Variants in ZNF326 observed in about 807,000 individuals in gnomAD.
ZNF326 encodes the protein zinc finger protein 326.
In ZNF326, 30 loss-of-function variants were observed where a neutral mutation model predicts 63.1. The ratio of observed to expected loss-of-function variants is 0.48; its 90% CI spans 0.36 to 0.64. The LOEUF (loss-of-function observed/expected upper bound fraction) is 0.64. Among genes scored for constraint, ZNF326 ranks in the 30% least tolerant of loss-of-function variants. The probability of loss-of-function intolerance (pLI) is 0.00; values close to 1 mark genes in which losing one functional copy is unlikely to be tolerated. For missense variants in ZNF326, 609 were observed against 720.3 expected (o/e 0.85, Z 1.77); for synonymous variants, 194 against 228.2 (o/e 0.85, Z 1.35).
chr1:89,998,102 C>T lies in ZNF326; in HGVS notation c.17-8C>T, dbSNP rs202179032. On this transcript the variant is annotated splice_region_variant and splice_polypyrimidine_tract_variant and intron_variant, in intron 1 of 11. Coordinates refer to ENST00000340281, the MANE Select transcript of ZNF326 (RefSeq NM_182976.4). ...ACTAATTCCTTTTTGTTAAATGTGT[C>T]TTCATAGATTACACACACTCCGCCT... 5 of 1,610,692 alleles carry T rather than the reference C, an allele frequency of 3.1e-6. No individual in the cohort carries two copies. Among genetic ancestry groups the T allele is most frequent in the Middle Eastern group, 1.7e-4 (1 of 6,054 alleles).
At chr1:90,000,584 A>C (rs1648629016) in intron 2 of ZNF326, among the ~76,000 whole-genome samples, 1 of 152,114 alleles carries the variant, frequency 6.6e-6, no homozygotes, top group Non-Finnish European at 1.5e-5. Context: ...GCCCCCCTAT[A>C]GTTCCAGTTA....
chr1:90,004,825 A>AT, intron 2 of ZNF326, among the ~76,000 whole-genome samples, 178 bp from the exon 3 acceptor site: 1 of 60,434 alleles, frequency 1.7e-5, no homozygotes. Context: ...TTTTTAGCAA[A>AT]TTTGATTTAG....
Position 90,007,344 on chromosome 1 carries a change from G to A in ZNF326, c.210-1G>A. 6.3e-7 allele frequency: 1 copy of A among 1,595,052 alleles called. No homozygotes were observed. Among genetic ancestry groups the A allele is most frequent in the Non-Finnish European group, 8.5e-7 (1 of 1,169,606 alleles). On this transcript the variant is annotated splice_acceptor_variant, in intron 4 of 11. Coordinates refer to ENST00000340281, the MANE Select transcript of ZNF326 (RefSeq NM_182976.4). LOFTEE classifies it high-confidence loss of function. The surrounding 1 kb of genome is among the most constrained non-coding windows in gnomAD (Gnocchi z 4.9). ...TTTCCCTCACTGTGCAACTTTTCCA[G>A]GTTTGGACCTTATGAGTCTTACGAC...
At chr1:89,998,299 G>T in intron 2 of ZNF326, 145 bp downstream of exon 2, 1 of 667,194 alleles carries the variant, frequency 1.5e-6, no homozygotes, top group Non-Finnish European at 2.4e-6. Flanking sequence ...TATAGTATTT[G>T]AATTGGGGAA....
rs981633403 is a variant in ZNF326 at position 90,031,360 on chromosome 1, G to GTT, written c.*3660_*3661dup. Reference sequence around the variant, plus strand: ...AAATGTATTTAAGAACTCTGTTTTTGTTGGCAAGATTGTTCTTATTGTAGA... The same window carrying GTT: ...AAATGTATTTAAGAACTCTGTTTTTGTTTTGGCAAGATTGTTCTTATTGTAGA... On this transcript the variant is annotated 3_prime_UTR_variant, in exon 12 of 12. Coordinates refer to ENST00000340281, the MANE Select transcript of ZNF326 (RefSeq NM_182976.4). 1 of 152,172 alleles carries GTT rather than the reference G, an allele frequency of 6.6e-6. No individual in the cohort carries two copies. The highest frequency in any genetic ancestry group is 2.4e-5 in the African/African-American group (1 of 41,458). 9.4% of individuals were successfully genotyped at this position (152,172 alleles called of 1,614,324 possible).
At chr1:90,005,946 A>T in intron 4 of ZNF326, 1 of 985,432 alleles carries the variant, frequency 1.0e-6, no homozygotes, top group Middle Eastern at 5.2e-4. Context: ...TTAAACAACT[A>T]CAAGCTTTAA....
At chr1:90,022,594 A>G (rs1187308031) in intron 11 of ZNF326, among the ~76,000 whole-genome samples, 1 of 152,226 alleles carries the variant, frequency 6.6e-6, no homozygotes, top group African/African-American at 2.4e-5. Context: ...TTAGATAGAA[A>G]ATCAAAATGT....
At position 90,032,539 on chromosome 1, in the gene ZNF326, A is replaced by T. The variant is rs1205650469; in HGVS notation, c.*4838A>T. On this transcript the variant is annotated 3_prime_UTR_variant, in exon 12 of 12. Transcript: ENST00000340281. ...TTTCAGCAATAAGGATAGATTTATA[A>T]TCACACTAGGAAGACAAGAAGGGTG... is the stretch of plus-strand genomic sequence containing the variant. 6.6e-6 allele frequency: 1 copy of T among 152,232 alleles called. No individual in the cohort carries two copies. The highest frequency in any genetic ancestry group is 1.5e-5 in the Non-Finnish European group (1 of 68,038). The allele number at this position is 152,232 out of a possible 1,614,324, so 9.4% of individuals were successfully genotyped here. A position where few individuals can be genotyped will look rare whatever the true frequency, so the allele number is the denominator to read the frequency against.
At chr1:90,020,742 T>G in intron 9 of ZNF326, 50 bp from the exon 10 acceptor site, 1 of 1,553,318 alleles carries the variant, frequency 6.4e-7, no homozygotes, top group Non-Finnish European at 8.7e-7. Flanking sequence ...ACTTCATTGG[T>G]CAGAAATAAC....
chr1:90,009,226 C>A (rs960340386), intron 5 of ZNF326, among the ~76,000 whole-genome samples: 3 of 152,020 alleles, frequency 2.0e-5, no homozygotes, highest in African/African-American at 7.2e-5. Flanking sequence ...GTAGATGAGC[C>A]AATAGGACCT....
chr1:90,018,170 T>G (rs1158117623), intron 8 of ZNF326, among the ~76,000 whole-genome samples: 1 of 151,748 alleles, frequency 6.6e-6, no homozygotes, highest in Non-Finnish European at 1.5e-5. Context: ...CGCGTGCCTG[T>G]AATCCCAGCT....
intron 7 of ZNF326, among the ~76,000 whole-genome samples, chr1:90,015,539 G>T (rs916067574): frequency 6.6e-6 from 1 of 152,104 alleles, no homozygotes; most frequent in African/African-American, 2.4e-5. Flanking sequence ...AATTAGCCAG[G>T]TGTGGTGGCA....
At chr1:90,016,062 C>T (rs959730976) in intron 7 of ZNF326, among the ~76,000 whole-genome samples, 2 of 152,002 alleles carry the variant, frequency 1.3e-5, no homozygotes, top group African/African-American at 4.8e-5. Flanking sequence ...GCCCTTTGAG[C>T]AGTAATGTGC....
chr1:90,004,798 C>CTTTTTTTTTTTTTTTTT (rs34878438), intron 2 of ZNF326, among the ~76,000 whole-genome samples: 3 of 68,124 alleles, frequency 4.4e-5, no homozygotes, highest in East Asian at 5.1e-4. Context: ...AATATCAGGG[C>CTTTTTTTTTTTTTTTTT]TTTTTTTTTT....
In ZNF326 at chr1:90,033,327, A is replaced by C. The variant is rs1158410229; in HGVS notation, c.*5626A>C. On this transcript the variant is annotated 3_prime_UTR_variant, in exon 12 of 12. Transcript: ENST00000340281. Reference sequence around the variant, plus strand: ...ACAAATGAGAAACAGCAAATATTTAAGGAAAAGAGCAACATGAAAAATACA... The same window carrying C: ...ACAAATGAGAAACAGCAAATATTTACGGAAAAGAGCAACATGAAAAATACA... The C allele has an allele frequency of 6.6e-6, 1 of 152,158 alleles. No individual in the cohort carries two copies. The highest frequency in any genetic ancestry group is 2.4e-5 in the African/African-American group (1 of 41,440). The allele number at this position is 152,158 out of a possible 1,614,324, so 9.4% of individuals were successfully genotyped here. A position where few individuals can be genotyped will look rare whatever the true frequency, so the allele number is the denominator to read the frequency against.
At position 90,030,769 on chromosome 1, in the gene ZNF326, G is replaced by A. The variant is rs989935905; in HGVS notation, c.*3068G>A. On this transcript the variant is annotated 3_prime_UTR_variant, in exon 12 of 12. Coordinates refer to ENST00000340281, the MANE Select transcript of ZNF326 (RefSeq NM_182976.4). Reference sequence around the variant, plus strand: ...CAGCTTTGACCTCCTGGGCTCAAGCGGTCGTCCCGCCTTAGCCTCCCAAGT... The same window carrying A: ...CAGCTTTGACCTCCTGGGCTCAAGCAGTCGTCCCGCCTTAGCCTCCCAAGT... 3 of 151,766 alleles carry A rather than the reference G, an allele frequency of 2.0e-5. No homozygotes were observed. Among genetic ancestry groups the A allele is most frequent in the Non-Finnish European group, 4.4e-5 (3 of 68,028 alleles). 9.4% of individuals were successfully genotyped at this position (151,766 alleles called of 1,614,324 possible). A position where few individuals can be genotyped will look rare whatever the true frequency, so the allele number is the denominator to read the frequency against.
intron 2 of ZNF326, among the ~76,000 whole-genome samples, chr1:90,001,888 C>CACAGCTG (rs1171923390): frequency 2.6e-5 from 4 of 152,042 alleles, no homozygotes; most frequent in Non-Finnish European, 4.4e-5. Flanking sequence ...CCCAGTATGT[C>CACAGCTG]ACAGCTGCTG....
chr1:90,016,447 G>T (rs1649507129), intron 7 of ZNF326, among the ~76,000 whole-genome samples: 1 of 152,132 alleles, frequency 6.6e-6, no homozygotes, highest in African/African-American at 2.4e-5. Context: ...TGGTCACGGT[G>T]GCTCACACTT....
In ZNF326 at chr1:90,028,411, A is replaced by T. The variant is rs1310254304; in HGVS notation, c.*710A>T. 1 of 152,214 alleles carries T rather than the reference A, an allele frequency of 6.6e-6. No individual in the cohort carries two copies. Among genetic ancestry groups the T allele is most frequent in the African/African-American group, 2.4e-5 (1 of 41,456 alleles). 9.4% of individuals were successfully genotyped at this position (152,214 alleles called of 1,614,324 possible). On this transcript the variant is annotated 3_prime_UTR_variant, in exon 12 of 12. Coordinates refer to ENST00000340281, the MANE Select transcript of ZNF326 (RefSeq NM_182976.4). ...AAAATATAAGACTAAAATTGTTTTT[A>T]AAACACATTTCAAATAGAAGTGAGT... is the stretch of plus-strand genomic sequence containing the variant.
Sources: allele counts gnomAD v4.1 joint callset (sites outside exome capture counted in the v4.1 genomes callset), GRCh38; gene constraint gnomAD v4.1.1; non-coding constraint Gnocchi (gnomAD v3.1); transcripts MANE v1.5; gene names NCBI Gene and HGNC (gene_info 2026-07-23, HGNC 2026-07-21).